The following GBX2 variants were observed in gnomAD, a reference collection of about 807,000 sequenced individuals.
The protein encoded by GBX2 is homeobox protein GBX-2.
GBX2 carries 5 observed loss-of-function variants against 22.4 expected under a neutral mutation model. The observed-to-expected ratio is 0.22, with a 90% CI of 0.12 to 0.47. The LOEUF is 0.47. GBX2 is among the 20% of genes least tolerant of loss of function. The probability of loss-of-function intolerance (pLI) is 0.99; values close to 1 mark genes in which losing one functional copy is unlikely to be tolerated. For synonymous variants in GBX2, 220 were observed against 230.5 expected (o/e 0.95, Z 0.41); for missense variants, 470 against 495.4 (o/e 0.95, Z 0.49).
Position 236,167,760 on chromosome 2 carries a change from TGCAGCGCGGCCTGGG to T in GBX2, c.197_211del (p.Pro66_Leu70del), listed in dbSNP as rs1311103271. 9.6e-6 allele frequency: 14 copies of T among 1,453,152 alleles called. No individual in the cohort carries two copies. Among genetic ancestry groups the T allele is most frequent in the Non-Finnish European group, 1.2e-5 (13 of 1,107,880 alleles). 90.0% of individuals were successfully genotyped at this position (1,453,152 alleles called of 1,614,324 possible). ...AGGGTGTGCGGGCGGCAGCGCTGGC[TGCAGCGCGGCCTGGG>T]GCAGCGCGGGCGGCGGCGGCGGCGG... On this transcript the variant is annotated inframe_deletion, in exon 1 of 2. Transcript: ENST00000306318.
downstream of GBX2, among the ~76,000 whole-genome samples, chr2:236,163,944 C>T (rs542722436): frequency 6.6e-6 from 1 of 152,204 alleles, no homozygotes; most frequent in South Asian, 2.1e-4. Flanking sequence ...CTCTCGGCGC[C>T]CCGCAGAGCC....
downstream of GBX2, among the ~76,000 whole-genome samples, chr2:236,163,352 G>GCCTCCATAGGGCGAGGA (rs1030711493): frequency 1.3e-5 from 2 of 152,142 alleles, no homozygotes; most frequent in Non-Finnish European, 2.9e-5. Context: ...TCCTCCTCGT[G>GCCTCCATAGGGCGAGGA]CCTCCATAGG....
Position 236,166,228 on chromosome 2 carries a change from C to T in GBX2, c.733G>A (p.Gly245Ser), listed in dbSNP as rs1314058386. The change falls in exon 2 of 2, where the codon GGC becomes AGC. Residue 245 changes from glycine (G) to serine (S), a missense_variant. Physicochemically the swap from Gly to Ser is moderately conservative, Grantham distance 56. Transcript: ENST00000306318. This position sits in a 1 kb window ranked among gnomAD's most constrained non-coding sequence, Gnocchi z 6.6. Reference protein sequence around the residue: ...SGAAGSTTSTGKNRRRRTAFT... With the variant: ...SGAAGSTTSTSKNRRRRTAFT... Reference sequence around the variant, plus strand: ...GCAGTCCGCCGCCGCCGGTTCTTGCCCGTAGACGTGGTGCTGCCCGCGGCG... The same window carrying T: ...GCAGTCCGCCGCCGCCGGTTCTTGCTCGTAGACGTGGTGCTGCCCGCGGCG... 7 of 1,613,738 alleles carry T rather than the reference C, an allele frequency of 4.3e-6. No individual in the cohort carries two copies. In the South Asian group the frequency reaches 7.7e-5, roughly 18 times the overall value.
At chr2:236,167,162 C>A (rs1274745971) in intron 1 of GBX2, 4 of 1,535,482 alleles carry the variant, frequency 2.6e-6, no homozygotes, top group South Asian at 2.4e-5. Flanking sequence ...CACCGCGGAG[C>A]GGCAGAGGCG....
rs1576381581 is a variant in GBX2 at position 236,165,587 on chromosome 2, T to G, written c.*327A>C. ...TAACCGCGCAGATTACAGCAGAGGT[T>G]TTGTTTTCTTCTGGAATGAGTGGAG... is the stretch of plus-strand genomic sequence containing the variant. On this transcript the variant is annotated 3_prime_UTR_variant, in exon 2 of 2. Transcript: ENST00000306318. The G allele has an allele frequency of 4.3e-6, 1 of 233,720 alleles. No individual in the cohort carries two copies. The allele number at this position is 233,720 out of a possible 1,614,324, so 14.5% of individuals were successfully genotyped here.
At chr2:236,163,237 C>T (rs961438813), downstream of GBX2, among the ~76,000 whole-genome samples, 4 of 152,056 alleles carry the variant, frequency 2.6e-5, no homozygotes, top group Non-Finnish European at 5.9e-5. Flanking sequence ...CCCTGCCGGG[C>T]TCTCGGGGGC....
downstream of GBX2, among the ~76,000 whole-genome samples, chr2:236,163,916 G>A (rs2060223954): frequency 6.6e-6 from 1 of 152,054 alleles, no homozygotes; most frequent in Non-Finnish European, 1.5e-5. Flanking sequence ...GGCGGGGCGC[G>A]GCCAGGAGCC....
rs546345206 is a variant in GBX2, at chr2:236,165,248, C to A, written c.*666G>T. 1 of 151,908 alleles carries A rather than the reference C, an allele frequency of 6.6e-6. No individual in the cohort carries two copies. The highest frequency in any genetic ancestry group is 2.4e-5 in the African/African-American group (1 of 41,206). The allele number at this position is 151,908 out of a possible 1,614,324, so 9.4% of individuals were successfully genotyped here. Reference sequence around the variant, plus strand: ...TGAGGCCCAGGGATTGGTCTTTTTCCCCCCCTCTCTCCTTTTTATTATTCA... The same window carrying A: ...TGAGGCCCAGGGATTGGTCTTTTTCACCCCCTCTCTCCTTTTTATTATTCA... On this transcript the variant is annotated 3_prime_UTR_variant, in exon 2 of 2. Coordinates refer to ENST00000306318, the MANE Select transcript of GBX2 (RefSeq NM_001485.4).
At chr2:236,164,027 A>C (rs1208815493), downstream of GBX2, among the ~76,000 whole-genome samples, 2 of 152,046 alleles carry the variant, frequency 1.3e-5, no homozygotes, top group Non-Finnish European at 2.9e-5. Context: ...ATTTTCCGCC[A>C]CCGGAACTGT....
chr2:236,165,869 G>T lies in GBX2; in HGVS notation c.*45C>A. On this transcript the variant is annotated 3_prime_UTR_variant, in exon 2 of 2. Transcript: ENST00000306318. ...GTCCACCATGGGTTCCCTCGGGTGC[G>T]GGGGCTTCTCCAGGTGGGTGCCAGG... 1 of 1,491,850 alleles carries T rather than the reference G, an allele frequency of 6.7e-7. No homozygotes were observed. The highest frequency in any genetic ancestry group is 1.3e-5 in the South Asian group (1 of 79,806). 92.4% of individuals were successfully genotyped at this position (1,491,850 alleles called of 1,614,324 possible).
rs1415780615 is a variant in GBX2, at chr2:236,166,435, C to A, written c.526G>T (p.Gly176Trp). Residue 176 changes from glycine (G) to tryptophan (W), a missense_variant and splice_region_variant, in exon 2 of 2, where the codon GGG becomes TGG. Transcript: ENST00000306318. This position sits in a 1 kb window ranked among gnomAD's most constrained non-coding sequence, Gnocchi z 6.6. ...TCTTTCCCTTGCCCTCGGACAGCCC[C>A]GACTGAAAGCAAAACCAAACGGCAT... is the stretch of plus-strand genomic sequence containing the variant. ...AAETVQASLV[G>W]AVRGQGKDES... is the part of the protein sequence containing the mutation. 1.9e-6 allele frequency: 3 copies of A among 1,604,728 alleles called. No individual in the cohort carries two copies. The highest frequency in any genetic ancestry group is 2.6e-6 in the Non-Finnish European group (3 of 1,173,032).
At chr2:236,164,628 C>G (rs56339446), downstream of GBX2, among the ~76,000 whole-genome samples, 66,647 of 152,030 alleles carry the variant, frequency 0.44, 18,541 homozygotes, top group African/African-American at 0.8. Context: ...TGGGGCGGTG[C>G]CCGGGTCCCG....
downstream of GBX2, among the ~76,000 whole-genome samples, chr2:236,162,305 A>T (rs2060216761): frequency 6.6e-6 from 1 of 152,228 alleles, no homozygotes; most frequent in Admixed American, 6.5e-5. Context: ...TTAGCTGACA[A>T]GGCATCTGTG....
At chr2:236,163,662 ACT>A (rs2060222773), downstream of GBX2, among the ~76,000 whole-genome samples, 2 of 151,770 alleles carry the variant, frequency 1.3e-5, no homozygotes, top group Admixed American at 1.3e-4. Context: ...TCCCGGGTAA[ACT>A]CTTCGCCCCC....
downstream of GBX2, among the ~76,000 whole-genome samples, chr2:236,163,082 G>C (rs1009358923): frequency 6.6e-6 from 1 of 152,210 alleles, no homozygotes; most frequent in African/African-American, 2.4e-5. Flanking sequence ...ATTAGGGCCC[G>C]GGCGATTGAC....
chr2:236,167,149 G>A (rs900583658), intron 1 of GBX2: 1 of 1,535,614 alleles, frequency 6.5e-7, no homozygotes, highest in Non-Finnish European at 8.7e-7. Context: ...CGGAACCCCA[G>A]GTCACCGCGG....
chr2:236,168,280 T>G lies in GBX2; in HGVS notation c.-309A>C. On this transcript the variant is annotated 5_prime_UTR_variant, in exon 1 of 2. Transcript: ENST00000306318. ...TCGCGGGTTTGGCCCTCGGCCCCGGTAAGCTGCCGTCCGTCCGTCCGTCCC... is the reference window on the plus strand; with the variant it reads ...TCGCGGGTTTGGCCCTCGGCCCCGGGAAGCTGCCGTCCGTCCGTCCGTCCC... The G allele has an allele frequency of 6.0e-6, 1 of 166,212 alleles. No homozygotes were observed. The highest frequency in any genetic ancestry group is 1.1e-5 in the Non-Finnish European group (1 of 87,060). 10.3% of individuals were successfully genotyped at this position (166,212 alleles called of 1,614,324 possible). A position where few individuals can be genotyped will look rare whatever the true frequency, so the allele number is the denominator to read the frequency against.
At position 236,166,376 on chromosome 2, in the gene GBX2, C is replaced by T; in HGVS notation, c.585G>A (p.Lys195=). ...ESKVEDDPKG[K]EESFSLESDV... The stretch of plus-strand genomic sequence containing the variant: ...CGCTCTCCAGCGAGAAGCTCTCCTC[C>T]TTGCCCTTCGGGTCGTCTTCCACCT... Residue 195 remains lysine (K), a synonymous_variant, in exon 2 of 2, where the codon AAG becomes AAA. Transcript: ENST00000306318. This position sits in a 1 kb window ranked among gnomAD's most constrained non-coding sequence, Gnocchi z 6.6. 2 of 1,614,078 alleles carry T rather than the reference C, an allele frequency of 1.2e-6. No homozygotes were observed. Among genetic ancestry groups the T allele is most frequent in the South Asian group, 2.2e-5 (2 of 91,086 alleles).
At chr2:236,163,328 G>A (rs1395107931), downstream of GBX2, among the ~76,000 whole-genome samples, 5 of 152,124 alleles carry the variant, frequency 3.3e-5, no homozygotes, top group South Asian at 2.1e-4. Flanking sequence ...CCAGCTTGGG[G>A]AGCTCGGGCC....
Sources: allele counts gnomAD v4.1 joint callset (sites outside exome capture counted in the v4.1 genomes callset), GRCh38; gene constraint gnomAD v4.1.1; non-coding constraint Gnocchi (gnomAD v3.1); transcripts MANE v1.5; gene names NCBI Gene and HGNC (gene_info 2026-07-23, HGNC 2026-07-21).